Variants in BRINP1 observed in about 807,000 individuals in gnomAD.
BRINP1 encodes BMP/retinoic acid inducible neural specific 1.
BRINP1 carries 17 observed loss-of-function variants against 72.9 expected under a neutral mutation model. The ratio of observed to expected loss-of-function variants is 0.23; its 90% CI spans 0.16 to 0.35. The LOEUF is 0.35. BRINP1 is among the 10% of genes least tolerant of loss of function. The pLI is 1.00. For missense variants in BRINP1, 850 were observed against 1,001.6 expected, an observed-to-expected ratio of 0.85 and a Z score of 2.04; for synonymous variants, 418 against 378.5, an observed-to-expected ratio of 1.10 and a Z score of -1.21.
intron 7 of BRINP1, among the ~76,000 whole-genome samples, chr9:119,191,153 T>C (rs1395940772): frequency 6.6e-6 from 1 of 151,970 alleles, no homozygotes; most frequent in Non-Finnish European, 1.5e-5. Context: ...AAAGGGTATT[T>C]ATGAAAAACC....
chr9:119,365,983 G>A (rs141989037), intron 1 of BRINP1, among the ~76,000 whole-genome samples: 29 of 152,232 alleles, frequency 1.9e-4, no homozygotes, highest in African/African-American at 6.5e-4. Flanking sequence ...CTAAGAGCAC[G>A]CTTTTGAGTG....
intron 1 of BRINP1, among the ~76,000 whole-genome samples, chr9:119,333,354 T>C (rs1166477859): frequency 6.6e-6 from 1 of 150,698 alleles, no homozygotes; most frequent in Non-Finnish European, 1.5e-5. Context: ...TCCCAGCTAC[T>C]CAGGAGGCTG....
intron 5 of BRINP1, among the ~76,000 whole-genome samples, chr9:119,225,854 G>A (rs533145740): frequency 7.9e-5 from 12 of 151,958 alleles, no homozygotes; most frequent in Admixed American, 7.9e-4. Context: ...ACTTAAAAAT[G>A]ATTAAAGTGT....
At chr9:119,216,373 C>T (rs568843290) in intron 5 of BRINP1, among the ~76,000 whole-genome samples, 4 of 152,120 alleles carry the variant, frequency 2.6e-5, no homozygotes, top group Non-Finnish European at 5.9e-5. Context: ...ACTGAGTGAG[C>T]TCCACATTGA....
chr9:119,259,610 G>A (rs924635480), intron 2 of BRINP1, among the ~76,000 whole-genome samples: 5 of 152,220 alleles, frequency 3.3e-5, no homozygotes, highest in African/African-American at 1.2e-4. Context: ...ATAAAAGTTT[G>A]GAATGGCAAT....
Position 119,259,929 on chromosome 9 carries a change from A to G in BRINP1, c.219-10779T>C, listed in dbSNP as rs545091000. On this transcript the variant is annotated intron_variant, in intron 2 of 7. Transcript: ENST00000265922. ...TTCCCGGCAAGTAATACTGCATTTA[A>G]TTGCCAATTTCTTTCTTGTTAAGAT... is the stretch of plus-strand genomic sequence containing the variant. Among the ~76,000 whole-genome samples, 3 of 152,324 alleles carry G rather than the reference A, an allele frequency of 2.0e-5. No individual in the cohort carries two copies. In the South Asian group the frequency reaches 6.2e-4, roughly 32 times the overall value.
At chr9:119,288,804 T>G (rs377234291) in intron 2 of BRINP1, among the ~76,000 whole-genome samples, 1 of 152,132 alleles carries the variant, frequency 6.6e-6, no homozygotes, top group Non-Finnish European at 1.5e-5. Flanking sequence ...TTTTGTTTTT[T>G]TTTTTAGATG....
intron 2 of BRINP1, among the ~76,000 whole-genome samples, chr9:119,286,149 T>C (rs910299193): frequency 1.3e-5 from 2 of 152,142 alleles, no homozygotes; most frequent in Non-Finnish European, 2.9e-5. Flanking sequence ...ATTGCCAACA[T>C]GAATATTACC....
At chr9:119,367,405 G>A (rs1361439367) in intron 1 of BRINP1, among the ~76,000 whole-genome samples, 3 of 151,684 alleles carry the variant, frequency 2.0e-5, no homozygotes, top group East Asian at 2.0e-4. Flanking sequence ...AGAGCAGAAC[G>A]GCTGCCGCTT....
intron 5 of BRINP1, among the ~76,000 whole-genome samples, chr9:119,217,740 T>A (rs1000732873): frequency 5.3e-5 from 8 of 152,298 alleles, no homozygotes; most frequent in African/African-American, 9.6e-5. Flanking sequence ...AGATATTATT[T>A]CTCTTTCTCT....
At chr9:119,361,042 G>A (rs1831623804) in intron 1 of BRINP1, among the ~76,000 whole-genome samples, 1 of 152,122 alleles carries the variant, frequency 6.6e-6, no homozygotes, top group South Asian at 2.1e-4. Context: ...TCTGCAAACT[G>A]AGAACAAAAT....
At chr9:119,296,482 A>G (rs1830879324) in intron 2 of BRINP1, among the ~76,000 whole-genome samples, 1 of 152,226 alleles carries the variant, frequency 6.6e-6, no homozygotes, top group African/African-American at 2.4e-5. Flanking sequence ...TACAACTAGA[A>G]CTAATATATG....
At chr9:119,183,879 C>A (rs1829583702) in intron 7 of BRINP1, among the ~76,000 whole-genome samples, 1 of 152,086 alleles carries the variant, frequency 6.6e-6, no homozygotes. Context: ...TGACTTGTCA[C>A]ATCACTGGGA....
intron 1 of BRINP1, among the ~76,000 whole-genome samples, chr9:119,331,159 T>G (rs1409949251): frequency 6.6e-6 from 1 of 152,150 alleles, no homozygotes; most frequent in Non-Finnish European, 1.5e-5. Flanking sequence ...CTTAAAGAAG[T>G]AAAATGTAAA....
chr9:119,273,011 T>C (rs1021409937), intron 2 of BRINP1, among the ~76,000 whole-genome samples: 4 of 152,144 alleles, frequency 2.6e-5, no homozygotes, highest in African/African-American at 9.7e-5. Context: ...AGTGCTGAAA[T>C]CAGGCCAGCA....
intron 7 of BRINP1, among the ~76,000 whole-genome samples, chr9:119,172,078 A>G (rs920044065): frequency 1.4e-5 from 2 of 145,800 alleles, no homozygotes; most frequent in African/African-American, 5.2e-5. Context: ...AAGAACTAGA[A>G]AAGCAAGAGC....
intron 4 of BRINP1, among the ~76,000 whole-genome samples, chr9:119,240,607 T>C (rs1183802940): frequency 2.0e-5 from 3 of 152,212 alleles, no homozygotes. Flanking sequence ...GATGGCTTCA[T>C]AAAGATCCAT....
At chr9:119,192,374 C>T (rs1829691686) in intron 7 of BRINP1, among the ~76,000 whole-genome samples, 1 of 151,856 alleles carries the variant, frequency 6.6e-6, no homozygotes, top group Admixed American at 6.6e-5. Flanking sequence ...TCAAAATTTA[C>T]AAAGAACTCT....
At chr9:119,338,058 C>T (rs999281628) in intron 1 of BRINP1, among the ~76,000 whole-genome samples, 34 of 152,140 alleles carry the variant, frequency 2.2e-4, no homozygotes, top group Non-Finnish European at 3.7e-4. Flanking sequence ...AATAAAGATA[C>T]TGGCTTAAGT....
Sources: allele counts gnomAD v4.1 joint callset (sites outside exome capture counted in the v4.1 genomes callset), GRCh38; gene constraint gnomAD v4.1.1; transcripts MANE v1.5; gene names NCBI Gene and HGNC (gene_info 2026-07-23, HGNC 2026-07-21).